Variants in TET2 observed in about 807,000 individuals in gnomAD.
TET2 encodes the protein methylcytosine dioxygenase TET2.
Under a neutral mutation model 142.9 loss-of-function variants are expected in TET2, and 299 were observed. That is an observed-to-expected ratio of 2.09 (90% CI 1.90 to 2.30). TET2 has a LOEUF of 2.30. Among genes scored for constraint, TET2 ranks in the 30% most tolerant of loss-of-function variants. The probability of loss-of-function intolerance (pLI) is 0.00; values close to 1 mark genes in which losing one functional copy is unlikely to be tolerated. For synonymous variants in TET2, 819 were observed against 849.0 expected, an observed-to-expected ratio of 0.96 and a Z score of 0.61; for missense variants, 2,418 against 2,378.0, an observed-to-expected ratio of 1.02 and a Z score of -0.35.
intron 1 of TET2, among the ~76,000 whole-genome samples, chr4:105,157,357 A>G (rs921782143): frequency 9.2e-5 from 14 of 152,196 alleles, no homozygotes; most frequent in Admixed American, 5.9e-4. Flanking sequence ...ACAAACAGAT[A>G]CATTTTAGCA....
chr4:105,185,555 C>A (rs779190790), intron 1 of TET2, among the ~76,000 whole-genome samples: 2 of 151,688 alleles, frequency 1.3e-5, no homozygotes, highest in South Asian at 2.1e-4. Context: ...CCGAGGTATG[C>A]GGATCACGAG....
chr4:105,236,214 C>A lies in TET2; in HGVS notation c.2272C>A (p.Gln758Lys). ...LQIKNKEEILQTFPHPQSNND... is the reference protein window; with the variant it reads ...LQIKNKEEILKTFPHPQSNND... ...AATAAAGAATAAAGAGGAAATACTC[C>A]AGACTTTTCCTCACCCCCAAAGCAA... Residue 758 changes from glutamine (Q) to lysine (K), a missense_variant, in exon 3 of 11, where the codon CAG becomes AAG. Transcript: ENST00000380013. The A allele has an allele frequency of 6.2e-7, 1 of 1,613,942 alleles. No homozygotes were observed. The highest frequency in any genetic ancestry group is 8.5e-7 in the Non-Finnish European group (1 of 1,180,004).
Position 105,235,767 on chromosome 4 carries a change from T to G in TET2, c.1825T>G (p.Ser609Ala). 6.2e-7 allele frequency: 1 copy of G among 1,614,050 alleles called. No individual in the cohort carries two copies. The highest frequency in any genetic ancestry group is 1.7e-5 in the Admixed American group (1 of 59,988). Residue 609 changes from serine (S) to alanine (A), a missense_variant, in exon 3 of 11, where the codon TCC becomes GCC. Transcript: ENST00000380013. ...QMTSKQYTGN[S>A]NMPGGLPRQA... ...GACCTCCAAACAATACACTGGAAAT[T>G]CCAACATGCCTGGGGGGCTCCCAAG...
chr4:105,177,450 A>G (rs1317107814), intron 1 of TET2: 2 of 152,236 alleles, frequency 1.3e-5, no homozygotes, highest in Non-Finnish European at 2.9e-5. Context: ...GAACAACTCA[A>G]CTTAAAAAAT....
At chr4:105,226,539 G>A (rs902607729) in intron 2 of TET2, among the ~76,000 whole-genome samples, 8 of 152,046 alleles carry the variant, frequency 5.3e-5, no homozygotes, top group African/African-American at 1.7e-4. Flanking sequence ...CTGTCCTCCT[G>A]ATAGTGAGTT....
intron 6 of TET2, among the ~76,000 whole-genome samples, chr4:105,247,481 C>T (rs1054579014): frequency 1.3e-5 from 2 of 152,124 alleles, no homozygotes; most frequent in African/African-American, 4.8e-5. Context: ...ATAAAATTCT[C>T]TCCATTTAGA....
intron 1 of TET2, among the ~76,000 whole-genome samples, chr4:105,174,516 G>T (rs539833529): frequency 6.6e-6 from 1 of 152,220 alleles, no homozygotes; most frequent in Non-Finnish European, 1.5e-5. Context: ...AAATATTAGA[G>T]AAGCAGACAG....
chr4:105,188,648 CA>C (rs1366851746), intron 1 of TET2, among the ~76,000 whole-genome samples: 3 of 152,130 alleles, frequency 2.0e-5, no homozygotes, highest in Middle Eastern at 3.4e-3. Flanking sequence ...CATGGCATAT[CA>C]AAACAGTAGA....
At chr4:105,188,393 T>C (rs1725585166) in intron 1 of TET2, among the ~76,000 whole-genome samples, 1 of 152,168 alleles carries the variant, frequency 6.6e-6, no homozygotes, top group African/African-American at 2.4e-5. Context: ...TATTGTTTAA[T>C]GAGTATAGAA....
chr4:105,275,729 T>A lies in TET2; in HGVS notation c.5219T>A (p.Leu1740Ter), dbSNP rs1731183496. The A allele has an allele frequency of 1.3e-6, 2 of 1,551,570 alleles. No individual in the cohort carries two copies. The highest frequency in any genetic ancestry group is 1.7e-6 in the Non-Finnish European group (2 of 1,146,942). ...CACTTCATGGGAGCCACCTCTAGAT[T>A]ACCACCCAATCTGAGCAATCCAAAC... The part of the protein sequence containing the change: ...DGHFMGATSR[L>*]PPNLSNPNMD... Residue 1740 changes from leucine (L) to a stop codon, truncating the protein, a stop_gained, in exon 11 of 11, where the codon TTA (leucine) becomes TAA (stop). Coordinates refer to ENST00000380013, the MANE Select transcript of TET2 (RefSeq NM_001127208.3). LOFTEE classifies it low-confidence loss of function (END_TRUNC).
Position 105,251,940 on chromosome 4 carries a change from G to T in TET2, c.3804-7679G>T, listed in dbSNP as rs556102421. ...AATGAAAGGCACAGAGCTTCCTTAA[G>T]TACATGCTGCCCCTGTATGTGCATA... On this transcript the variant is annotated intron_variant, in intron 6 of 10. Coordinates refer to ENST00000380013, the MANE Select transcript of TET2 (RefSeq NM_001127208.3). Among the ~76,000 whole-genome samples the T allele has an allele frequency of 2.6e-5, 4 of 152,310 alleles. No individual in the cohort carries two copies. The South Asian group carries it at 8.3e-4, about 32-fold the overall frequency.
At chr4:105,147,856 G>T (rs62331150) in intron 1 of TET2, 29,585 of 69,570 alleles carry the variant, frequency 0.43, 4,055 homozygotes, top group East Asian at 0.7. Flanking sequence ...GCGGGAGGGG[G>T]TGGGGAGCGC....
chr4:105,239,886 T>TA (rs1437484104), intron 3 of TET2: 1 of 239,028 alleles, frequency 4.2e-6, no homozygotes, highest in Non-Finnish European at 8.7e-6. Context: ...CTTGAACACT[T>TA]AGAGGCCACT....
intron 2 of TET2, among the ~76,000 whole-genome samples, chr4:105,221,750 C>A (rs998601992): frequency 6.6e-6 from 1 of 151,342 alleles, no homozygotes; most frequent in Non-Finnish European, 1.5e-5. Flanking sequence ...TTTTAGGGTA[C>A]ATGGGCACAA....
At chr4:105,161,990 TTAAA>T (rs1723883202) in intron 1 of TET2, among the ~76,000 whole-genome samples, 2 of 152,360 alleles carry the variant, frequency 1.3e-5, no homozygotes, top group South Asian at 2.1e-4. Context: ...GTAGAAATGG[TTAAA>T]TAGACTATAG....
Position 105,275,534 on chromosome 4 carries a change from T to C in TET2, c.5024T>C (p.Ile1675Thr). Residue 1675 changes from isoleucine to threonine, a missense_variant, in exon 11 of 11, where the codon ATC becomes ACC. Physicochemically the swap from Ile to Thr is moderately conservative, Grantham distance 89. Coordinates refer to ENST00000380013, the MANE Select transcript of TET2 (RefSeq NM_001127208.3). ...DPLSKLSLPP[I>T]HTLYQPRFGN... ...CTGTCTAAGCTCAGTCTACCACCCATCCATACACTTTACCAGCCAAGGTTT... is the reference window on the plus strand; with the variant it reads ...CTGTCTAAGCTCAGTCTACCACCCACCCATACACTTTACCAGCCAAGGTTT... 6.4e-7 allele frequency: 1 copy of C among 1,551,658 alleles called. No individual in the cohort carries two copies. Among genetic ancestry groups the C allele is most frequent in the Non-Finnish European group, 8.7e-7 (1 of 1,146,972 alleles).
At chr4:105,273,764 T>G (rs76124143) in intron 10 of TET2, among the ~76,000 whole-genome samples, 5,910 of 152,112 alleles carry the variant, frequency 0.039, 398 homozygotes, top group African/African-American at 0.13. Context: ...AGTCTGTGGT[T>G]TAGGAGGGGT....
intron 2 of TET2, among the ~76,000 whole-genome samples, chr4:105,220,718 TG>T (rs1727765585): frequency 6.6e-6 from 1 of 152,178 alleles, no homozygotes; most frequent in South Asian, 2.1e-4. Flanking sequence ...ATCCGAATAC[TG>T]GCTTTCTTGA....
At chr4:105,226,919 G>A (rs1728227486) in intron 2 of TET2, among the ~76,000 whole-genome samples, 1 of 152,090 alleles carries the variant, frequency 6.6e-6, no homozygotes, top group South Asian at 2.1e-4. Context: ...AGATCTCTTT[G>A]TCCAGAATTC....
Sources: gnomAD v4.1 joint callset for allele counts (sites outside exome capture counted in the v4.1 genomes callset) on GRCh38, gnomAD v4.1.1 for gene constraint, MANE v1.5 for transcripts, NCBI Gene and HGNC (gene_info 2026-07-23, HGNC 2026-07-21) for gene names.